Variants in EFNA5 observed in about 807,000 individuals in gnomAD.
EFNA5 encodes the protein ephrin A5.
Under a neutral mutation model 22.9 loss-of-function variants are expected in EFNA5, and 5 were observed. The ratio of observed to expected loss-of-function variants is 0.22; its 90% CI spans 0.11 to 0.46. The LOEUF (loss-of-function observed/expected upper bound fraction) is 0.46, where lower values mean the gene tolerates loss of function less well. EFNA5 is among the 20% of genes least tolerant of loss of function. EFNA5 has a pLI of 0.99. For missense variants in EFNA5, 237 were observed against 293.3 expected (o/e 0.81, Z 1.40); for synonymous variants, 113 against 112.2 (o/e 1.01, Z -0.04).
At chr5:107,387,408 T>G in intron 3 of EFNA5, 93 bp from the exon 4 acceptor site, 1 of 838,450 alleles carries the variant, frequency 1.2e-6, no homozygotes, top group East Asian at 2.7e-5. Flanking sequence ...CTTTTTTTCT[T>G]TTTTTATGTA....
At chr5:107,514,146 C>G (rs1747430282) in intron 1 of EFNA5, among the ~76,000 whole-genome samples, 2 of 152,164 alleles carry the variant, frequency 1.3e-5, no homozygotes, top group Admixed American at 1.3e-4. Context: ...CTCATAAAAC[C>G]CCAATCAATC....
At chr5:107,477,211 A>G (rs1750336225) in intron 1 of EFNA5, among the ~76,000 whole-genome samples, 2 of 152,238 alleles carry the variant, frequency 1.3e-5, no homozygotes. Context: ...GAGAAACATA[A>G]GGAATAGGTC....
At chr5:107,623,707 C>CA (rs770559961) in intron 1 of EFNA5, among the ~76,000 whole-genome samples, 15,483 of 115,866 alleles carry the variant, frequency 0.13, 923 homozygotes, top group Non-Finnish European at 0.17. Context: ...GGGGGAGATT[C>CA]AAAAAAAAAA....
At chr5:107,562,820 G>T (rs1302095035) in intron 1 of EFNA5, among the ~76,000 whole-genome samples, 1 of 152,146 alleles carries the variant, frequency 6.6e-6, no homozygotes, top group Non-Finnish European at 1.5e-5. Flanking sequence ...CAATATATTG[G>T]TGTATGAGCT....
chr5:107,379,604 T>C lies in EFNA5; in HGVS notation c.*1651A>G, dbSNP rs1015066225. On this transcript the variant is annotated 3_prime_UTR_variant, in exon 5 of 5. Coordinates refer to ENST00000333274, the MANE Select transcript of EFNA5 (RefSeq NM_001962.3). The stretch of plus-strand genomic sequence containing the variant: ...TTTTCAATTGGTCTAACACTTTTCC[T>C]TGTCTAGGCTTTGGATTTTAAAGTT... 6.6e-5 allele frequency: 10 copies of C among 150,764 alleles called. No individual in the cohort carries two copies. The highest frequency in any genetic ancestry group is 1.2e-4 in the Non-Finnish European group (8 of 67,878). The allele number at this position is 150,764 out of a possible 1,614,324, so 9.3% of individuals were successfully genotyped here.
intron 1 of EFNA5, among the ~76,000 whole-genome samples, chr5:107,661,460 C>T (rs553456812): frequency 5.9e-5 from 9 of 152,320 alleles, no homozygotes; most frequent in South Asian, 4.1e-4. Context: ...ACTTCAAAAA[C>T]GCATCCTGCT....
chr5:107,552,150 G>C (rs887078842), intron 1 of EFNA5, among the ~76,000 whole-genome samples: 1 of 151,994 alleles, frequency 6.6e-6, no homozygotes, highest in Non-Finnish European at 1.5e-5. Context: ...CCACAACACT[G>C]CAAAACATGA....
chr5:107,401,376 C>A (rs1428142137), intron 2 of EFNA5, among the ~76,000 whole-genome samples: 1 of 152,146 alleles, frequency 6.6e-6, no homozygotes, highest in Non-Finnish European at 1.5e-5. Context: ...TTGAAATTGG[C>A]TTTGAAGTTT....
chr5:107,384,123 T>G (rs1344063988), intron 4 of EFNA5, among the ~76,000 whole-genome samples: 2 of 152,114 alleles, frequency 1.3e-5, no homozygotes, highest in Non-Finnish European at 2.9e-5. Context: ...TTTGGGTAAA[T>G]CTGAGCAATT....
chr5:107,573,512 G>A (rs1383648376), intron 1 of EFNA5, among the ~76,000 whole-genome samples: 2 of 151,798 alleles, frequency 1.3e-5, no homozygotes, highest in African/African-American at 4.8e-5. Flanking sequence ...AGACTGTCCA[G>A]GTAAAATGAG....
intron 1 of EFNA5, among the ~76,000 whole-genome samples, chr5:107,528,413 A>G (rs1747742982): frequency 6.6e-6 from 1 of 152,186 alleles, no homozygotes; most frequent in African/African-American, 2.4e-5. Context: ...TTTACTCAGA[A>G]TATCTACTAA....
intron 2 of EFNA5, among the ~76,000 whole-genome samples, chr5:107,399,575 T>G (rs1748032582): frequency 6.6e-6 from 1 of 152,090 alleles, no homozygotes; most frequent in South Asian, 2.1e-4. Context: ...ATGGGCTTCT[T>G]TAAGTAATGA....
At chr5:107,666,812 G>A (rs1310409854) in intron 1 of EFNA5, among the ~76,000 whole-genome samples, 1 of 152,056 alleles carries the variant, frequency 6.6e-6, no homozygotes. Context: ...CGCACATGAT[G>A]TTTAAAAGTA....
chr5:107,497,357 T>G (rs924724482), intron 1 of EFNA5, among the ~76,000 whole-genome samples: 1 of 152,206 alleles, frequency 6.6e-6, no homozygotes, highest in African/African-American at 2.4e-5. Flanking sequence ...AAATTACTCC[T>G]TTTGCTAACC....
chr5:107,478,263 G>A (rs1750365630), intron 1 of EFNA5, among the ~76,000 whole-genome samples: 2 of 152,136 alleles, frequency 1.3e-5, no homozygotes, highest in African/African-American at 2.4e-5. Context: ...GAGATCCATA[G>A]TCATAAAGAC....
intron 1 of EFNA5, among the ~76,000 whole-genome samples, chr5:107,612,705 G>A (rs920792231): frequency 1.3e-5 from 2 of 152,126 alleles, no homozygotes; most frequent in Admixed American, 6.5e-5. Flanking sequence ...GCTGTGAGCA[G>A]CTCTCCAATA....
intron 2 of EFNA5, among the ~76,000 whole-genome samples, chr5:107,415,513 G>A (rs1002092196): frequency 6.6e-6 from 1 of 152,174 alleles, no homozygotes; most frequent in Non-Finnish European, 1.5e-5. Flanking sequence ...GCCAGTAAGA[G>A]AAGAAATCCA....
chr5:107,622,792 C>T (rs1447584856), intron 1 of EFNA5, among the ~76,000 whole-genome samples: 4 of 151,734 alleles, frequency 2.6e-5, no homozygotes, highest in Non-Finnish European at 4.4e-5. Flanking sequence ...GAGGCCGAGG[C>T]GGGTGGATCA....
At chr5:107,548,591 ACT>A (rs1206170485) in intron 1 of EFNA5, among the ~76,000 whole-genome samples, 1 of 152,214 alleles carries the variant, frequency 6.6e-6, no homozygotes, top group African/African-American at 2.4e-5. Context: ...GCTACAAGGA[ACT>A]GTCACATAAA....
Sources: gnomAD v4.1 joint callset for allele counts (sites outside exome capture counted in the v4.1 genomes callset) on GRCh38, gnomAD v4.1.1 for gene constraint, MANE v1.5 for transcripts, NCBI Gene and HGNC (gene_info 2026-07-23, HGNC 2026-07-21) for gene names.